Variants in GPR158 observed in about 807,000 individuals in gnomAD.
The protein encoded by GPR158 is G protein-coupled receptor 158.
A neutral mutation model predicts 78.2 loss-of-function variants in GPR158; 30 were observed. The observed-to-expected ratio is 0.38, with a 90% CI of 0.29 to 0.52. The LOEUF (loss-of-function observed/expected upper bound fraction) is 0.52, where lower values mean the gene tolerates loss of function less well. Ranked by LOEUF, GPR158 falls within the 20% of genes least tolerant of loss-of-function variation. The pLI is 0.83. For synonymous variants in GPR158, 581 were observed against 591.1 expected (o/e 0.98, Z 0.25); for missense variants, 1,463 against 1,523.5 (o/e 0.96, Z 0.66).
At chr10:25,204,987 A>G (rs1297321864) in intron 1 of GPR158, among the ~76,000 whole-genome samples, 1 of 151,990 alleles carries the variant, frequency 6.6e-6, no homozygotes. Flanking sequence ...GGCTTCCCCC[A>G]TACTGTTCTT....
chr10:25,185,113 G>A (rs1319164279), intron 1 of GPR158, among the ~76,000 whole-genome samples: 3 of 152,158 alleles, frequency 2.0e-5, no homozygotes, highest in South Asian at 2.1e-4. Context: ...TCCCCTGTGG[G>A]GCAAAACTGC....
At chr10:25,322,118 C>T (rs918856535) in intron 2 of GPR158, among the ~76,000 whole-genome samples, 5 of 152,252 alleles carry the variant, frequency 3.3e-5, no homozygotes, top group Admixed American at 2.6e-4. Flanking sequence ...CGCGGTGGCT[C>T]ACGCCTGTAA....
chr10:25,549,922 C>A (rs1389427244), intron 5 of GPR158, among the ~76,000 whole-genome samples: 1 of 152,168 alleles, frequency 6.6e-6, no homozygotes, highest in African/African-American at 2.4e-5. Context: ...GGCATATTTT[C>A]TGTTACGACC....
chr10:25,534,614 T>C (rs1043165681), intron 5 of GPR158, among the ~76,000 whole-genome samples: 4 of 145,036 alleles, frequency 2.8e-5, no homozygotes, highest in African/African-American at 7.6e-5. Context: ...ATTAGCTGGG[T>C]GTGGTGGCAC....
intron 2 of GPR158, among the ~76,000 whole-genome samples, chr10:25,372,930 C>G (rs892729455): frequency 3.3e-5 from 5 of 151,888 alleles, no homozygotes; most frequent in Non-Finnish European, 5.9e-5. Context: ...TGTCATTTGA[C>G]TCAGCAATCT....
chr10:25,194,277 G>A (rs957807884), intron 1 of GPR158, among the ~76,000 whole-genome samples: 2 of 152,220 alleles, frequency 1.3e-5, no homozygotes, highest in Non-Finnish European at 2.9e-5. Context: ...AGTGGCTCAT[G>A]CCTGTAATCA....
chr10:25,318,465 T>C (rs1564420851), intron 2 of GPR158, among the ~76,000 whole-genome samples: 1 of 152,152 alleles, frequency 6.6e-6, no homozygotes, highest in Non-Finnish European at 1.5e-5. Context: ...CTGAGTTTAA[T>C]CATAAACCCT....
chr10:25,453,409 A>G (rs1050647382), intron 4 of GPR158, among the ~76,000 whole-genome samples: 1 of 152,082 alleles, frequency 6.6e-6, no homozygotes, highest in Non-Finnish European at 1.5e-5. Flanking sequence ...CTTTTTGATA[A>G]TAGCCATTCT....
At chr10:25,186,195 T>C (rs1035214966) in intron 1 of GPR158, among the ~76,000 whole-genome samples, 3 of 152,062 alleles carry the variant, frequency 2.0e-5, no homozygotes, top group Non-Finnish European at 2.9e-5. Context: ...ACACAACATA[T>C]CAGAATCTCT....
intron 7 of GPR158, among the ~76,000 whole-genome samples, chr10:25,586,645 C>A (rs1588924891): frequency 6.6e-6 from 1 of 151,942 alleles, no homozygotes; most frequent in African/African-American, 2.4e-5. Context: ...AACTACTGAC[C>A]AGCCTGATCC....
chr10:25,359,258 T>G (rs1331793354), intron 2 of GPR158, among the ~76,000 whole-genome samples: 1 of 152,060 alleles, frequency 6.6e-6, no homozygotes, highest in Non-Finnish European at 1.5e-5. Context: ...AAAGTTACCT[T>G]CTTAACAATA....
chr10:25,540,114 C>T (rs1034572478), intron 5 of GPR158, among the ~76,000 whole-genome samples: 1 of 152,034 alleles, frequency 6.6e-6, no homozygotes, highest in Non-Finnish European at 1.5e-5. Flanking sequence ...GAAACAACCC[C>T]ATCAATAAGT....
chr10:25,339,000 GTTTCTTTC>G (rs1156302171), intron 2 of GPR158, among the ~76,000 whole-genome samples: 4 of 148,818 alleles, frequency 2.7e-5, no homozygotes, highest in African/African-American at 9.9e-5. Flanking sequence ...TCTAAGTTAG[GTTTCTTTC>G]TTTCTTTCTT....
chr10:25,210,584 A>T (rs1853116112), intron 1 of GPR158, among the ~76,000 whole-genome samples: 1 of 152,068 alleles, frequency 6.6e-6, no homozygotes, highest in African/African-American at 2.4e-5. Context: ...GTGATATCTC[A>T]TTATTGTTTT....
At chr10:25,400,105 C>T (rs1474771997) in intron 3 of GPR158, among the ~76,000 whole-genome samples, 1 of 152,208 alleles carries the variant, frequency 6.6e-6, no homozygotes, top group Non-Finnish European at 1.5e-5. Flanking sequence ...CTAAGCACCA[C>T]TGGTCTTTAG....
chr10:25,316,913 ATGTGTGTGTG>A (rs1270505797), intron 2 of GPR158, among the ~76,000 whole-genome samples: 1,333 of 79,798 alleles, frequency 0.017, 17 homozygotes, highest in African/African-American at 0.099. Flanking sequence ...GTGTGTGTTT[ATGTGTGTGTG>A]TATGTGTGTG....
intron 3 of GPR158, among the ~76,000 whole-genome samples, chr10:25,397,037 C>A (rs976395567): frequency 4.1e-4 from 62 of 152,152 alleles, no homozygotes; most frequent in African/African-American, 1.4e-3. Flanking sequence ...CCAGGAGAAT[C>A]TCCCTCACCT....
intron 4 of GPR158, among the ~76,000 whole-genome samples, chr10:25,417,970 A>G (rs966949449): frequency 3.3e-4 from 50 of 152,306 alleles, no homozygotes; most frequent in African/African-American, 1.1e-3. Context: ...GAAATGGACC[A>G]TTTTGGAACT....
intron 2 of GPR158, among the ~76,000 whole-genome samples, chr10:25,319,260 T>C (rs541015681): frequency 1.4e-3 from 212 of 152,328 alleles, no homozygotes; most frequent in African/African-American, 5.1e-3. Context: ...CCAGTGTCCA[T>C]CCTTAGGAGC....
Sources: allele counts gnomAD v4.1 joint callset (sites outside exome capture counted in the v4.1 genomes callset), GRCh38; gene constraint gnomAD v4.1.1; transcripts MANE v1.5; gene names NCBI Gene and HGNC (gene_info 2026-07-23, HGNC 2026-07-21).